Variants in TTC34 observed in about 807,000 individuals in gnomAD.
The protein encoded by TTC34 is tetratricopeptide repeat domain 34.
Under a neutral mutation model 40.7 loss-of-function variants are expected in TTC34, and 44 were observed. That is an observed-to-expected ratio of 1.08 (90% CI 0.85 to 1.39). The LOEUF is 1.39. Ranked by LOEUF, TTC34 falls within the 40% of genes most tolerant of loss-of-function variation. The pLI is 0.00. For missense variants in TTC34, 884 were observed against 838.0 expected (o/e 1.05, Z -0.68); for synonymous variants, 422 against 398.6 (o/e 1.06, Z -0.70).
At chr1:2,764,230 G>C (rs1641725060) in intron 6 of TTC34, among the ~76,000 whole-genome samples, 1 of 150,110 alleles carries the variant, frequency 6.7e-6, no homozygotes, top group East Asian at 2.1e-4. Context: ...ACACCCAGGC[G>C]AGCATCTGAC....
At chr1:2,654,173 C>T (rs113244955) in intron 6 of TTC34, among the ~76,000 whole-genome samples, 346 of 30,894 alleles carry the variant, frequency 0.011, no homozygotes, top group Admixed American at 0.018. Flanking sequence ...CCCACACCCC[C>T]AGGCGAGCAT....
At position 2,641,439 on chromosome 1, in the gene TTC34, C is replaced by T. The variant is rs762358705; in HGVS notation, c.3169G>A (p.Asp1057Asn). 2.7e-5 allele frequency: 41 copies of T among 1,535,220 alleles called. No homozygotes were observed. In the South Asian group the frequency reaches 2.9e-4, roughly 11 times the overall value. ...TTCAGTCTCTTCAGGCCACGGTGGT[C>T]GGGGTCCACCAGGAGGCCGCTCTCT... The change falls in exon 9 of 9, where the codon GAC becomes AAC. Residue 1057 changes from aspartate to asparagine, a missense_variant. Transcript: ENST00000401095.
intron 6 of TTC34, among the ~76,000 whole-genome samples, chr1:2,761,394 G>A (rs1308298332): frequency 1.6e-5 from 1 of 61,434 alleles, no homozygotes; most frequent in Admixed American, 1.5e-4. Context: ...GCCTGGAGCA[G>A]CACCTACACC....
exon 9 of TTC34, chr1:2,641,212 GGGAAGGGGTGTGTGGGGAGGGC>G: frequency 1.3e-6 from 1 of 763,158 alleles, no homozygotes; most frequent in Non-Finnish European, 1.9e-6. Flanking sequence ...GGGGAGGGTT[GGGAAGGGGTGTGTGGGGAGGGC>G]TGGGAAGGGG....
chr1:2,642,012 C>T (rs1638917952), intron 8 of TTC34, 117 bp from the exon 9 acceptor site: 7 of 1,196,070 alleles, frequency 5.9e-6, no homozygotes, highest in Non-Finnish European at 7.9e-6. Context: ...CTGGGGATGG[C>T]GGGGCCCTGG....
intron 6 of TTC34, among the ~76,000 whole-genome samples, chr1:2,782,171 TC>T (rs1388066880): frequency 6.6e-6 from 1 of 152,250 alleles, no homozygotes; most frequent in Non-Finnish European, 1.5e-5. Flanking sequence ...ACTGACTCAA[TC>T]TTTTTACTAG....
At chr1:2,677,929 G>A (rs1485546503) in intron 6 of TTC34, among the ~76,000 whole-genome samples, 21 of 13,080 alleles carry the variant, frequency 1.6e-3, no homozygotes, top group East Asian at 0.024. Context: ...GCAGCACCCT[G>A]CACCCCCAGG....
At position 2,750,404 on chromosome 1, in the gene TTC34, C is replaced by T. The variant is rs1253685773; in HGVS notation, c.2226+33205G>A. ...CTGACAGCCTGGAACAGCACGCACA[C>T]CCCCAGGTGCGCACGTGACAGCCTG... On this transcript the variant is annotated intron_variant, in intron 6 of 8. Transcript: ENST00000401095. 1.1e-4 allele frequency among the ~76,000 whole-genome samples: 11 copies of T among 99,524 alleles called. 2 individuals are homozygous for T. Among genetic ancestry groups the T allele is most frequent in the Non-Finnish European group, 2.1e-4 (11 of 51,772 alleles). The allele number at this position is 99,524 out of a possible 152,430, so 65.3% of individuals were successfully genotyped here.
exon 3 of TTC34, chr1:2,790,115 T>G (rs1643646279): frequency 2.5e-6 from 1 of 397,900 alleles, no homozygotes; most frequent in African/African-American, 2.1e-5. Flanking sequence ...GAGCTCAGGG[T>G]GGTTCCGCAC....
At chr1:2,781,352 A>C (rs1480002863) in intron 6 of TTC34, among the ~76,000 whole-genome samples, 1 of 152,228 alleles carries the variant, frequency 6.6e-6, no homozygotes, top group African/African-American at 2.4e-5. Context: ...TTAATGTATA[A>C]AAATGCAACT....
intron 6 of TTC34, among the ~76,000 whole-genome samples, chr1:2,685,991 C>A (rs1288202259): frequency 2.6e-5 from 3 of 113,290 alleles, no homozygotes; most frequent in South Asian, 2.8e-4. Context: ...CATGTATCAG[C>A]ACCCACACCC....
At chr1:2,687,964 C>A (rs1350935640) in intron 6 of TTC34, among the ~76,000 whole-genome samples, 2 of 146,448 alleles carry the variant, frequency 1.4e-5, no homozygotes, top group African/African-American at 2.6e-5. Context: ...ACAGCACGCG[C>A]ACCCCCAGGA....
exon 2 of TTC34, chr1:2,800,184 A>G (rs1459858700): frequency 7.5e-6 from 3 of 398,472 alleles, no homozygotes; most frequent in African/African-American, 2.1e-5. Flanking sequence ...AGCCGCCAGG[A>G]GTCGCTGGCC....
chr1:2,687,726 C>A (rs1453147912), intron 6 of TTC34, among the ~76,000 whole-genome samples: 45 of 140,266 alleles, frequency 3.2e-4, no homozygotes, highest in African/African-American at 1.2e-3. Flanking sequence ...AGCACCCACA[C>A]CCCCAGGTGA....
intron 6 of TTC34, among the ~76,000 whole-genome samples, chr1:2,685,178 T>A (rs67980924): frequency 4.8e-3 from 67 of 13,844 alleles, no homozygotes; most frequent in Middle Eastern, 0.062. Context: ...AGCATCTGAC[T>A]GCCTGGAACA....
In TTC34 at chr1:2,801,011, G is replaced by A; in HGVS notation, c.-41-143C>T. On this transcript the variant is annotated intron_variant, in intron 1 of 8. Coordinates refer to ENST00000401095, the Ensembl canonical transcript of TTC34. ...AGACCCCACTGGGTGAAAACTGGGG[G>A]GATCCTGGGCTGGTGGGGTGGGGCC... 5.0e-6 allele frequency: 2 copies of A among 397,650 alleles called. 1 individual carries two copies. Among genetic ancestry groups the A allele is most frequent in the Admixed American group, 8.8e-5 (2 of 22,722 alleles). The allele number at this position is 397,650 out of a possible 1,614,324, so 24.6% of individuals were successfully genotyped here. A position where few individuals can be genotyped will look rare whatever the true frequency, so the allele number is the denominator to read the frequency against.
At chr1:2,749,108 A>C (rs1211646317) in intron 6 of TTC34, among the ~76,000 whole-genome samples, 408 of 92,904 alleles carry the variant, frequency 4.4e-3, no homozygotes, top group East Asian at 9.3e-3. Context: ...GACAGCCTGG[A>C]GCAGCACCCA....
chr1:2,652,493 G>T (rs867486057), intron 6 of TTC34, among the ~76,000 whole-genome samples: 116 of 147,226 alleles, frequency 7.9e-4, no homozygotes, highest in African/African-American at 1.4e-3. Context: ...ACCCCCAGGC[G>T]AGCATCTGAC....
At chr1:2,685,589 G>A (rs1203695120) in intron 6 of TTC34, among the ~76,000 whole-genome samples, 1 of 129,570 alleles carries the variant, frequency 7.7e-6, no homozygotes, top group Non-Finnish European at 1.6e-5. Flanking sequence ...GCACAGAGCA[G>A]CACCCACACC....
Sources: allele counts gnomAD v4.1 joint callset (sites outside exome capture counted in the v4.1 genomes callset), GRCh38; gene constraint gnomAD v4.1.1; transcripts MANE v1.5; gene names NCBI Gene and HGNC (gene_info 2026-07-23, HGNC 2026-07-21).